NCALD: variants seen among roughly 807,000 people sequenced by gnomAD.
NCALD encodes neurocalcin-delta.
NCALD carries 10 observed loss-of-function variants against 18.6 expected under a neutral mutation model. That is an observed-to-expected ratio of 0.54 (90% CI 0.33 to 0.91). NCALD has a LOEUF of 0.91. NCALD is among the 40% of genes least tolerant of loss of function. The probability of loss-of-function intolerance (pLI) is 0.03; values close to 1 mark genes in which losing one functional copy is unlikely to be tolerated. For synonymous variants in NCALD, 88 were observed against 87.4 expected, an observed-to-expected ratio of 1.01 and a Z score of -0.04; for missense variants, 184 against 247.6, an observed-to-expected ratio of 0.74 and a Z score of 1.72.
chr8:102,065,997 T>C (rs778718779), intron 1 of NCALD, among the ~76,000 whole-genome samples: 17 of 152,186 alleles, frequency 1.1e-4, no homozygotes, highest in Non-Finnish European at 2.1e-4. Context: ...AATAAGTAAG[T>C]CTTTAGAAAA....
At chr8:101,996,035 C>G (rs1048710066) in intron 2 of NCALD, among the ~76,000 whole-genome samples, 10 of 152,196 alleles carry the variant, frequency 6.6e-5, no homozygotes, top group African/African-American at 2.4e-4. Flanking sequence ...GTTTGTTTGC[C>G]TCTGGTGTGT....
intron 4 of NCALD, among the ~76,000 whole-genome samples, chr8:101,797,105 A>G (rs1430643187): frequency 6.6e-6 from 1 of 152,254 alleles, no homozygotes. Context: ...TTATAAAACT[A>G]GGCTGTGCCC....
chr8:102,068,611 CA>C (rs1824084767), intron 1 of NCALD, among the ~76,000 whole-genome samples: 1 of 152,208 alleles, frequency 6.6e-6, no homozygotes, highest in Non-Finnish European at 1.5e-5. Context: ...CTCTAGATTC[CA>C]CCAGTCTGTT....
chr8:102,084,634 C>T (rs1241223070), intron 1 of NCALD, among the ~76,000 whole-genome samples: 1 of 152,190 alleles, frequency 6.6e-6, no homozygotes, highest in East Asian at 1.9e-4. Flanking sequence ...AAATTATACA[C>T]AAGCTCACTT....
At chr8:101,849,883 G>A (rs1235806722) in intron 4 of NCALD, among the ~76,000 whole-genome samples, 2 of 152,180 alleles carry the variant, frequency 1.3e-5, no homozygotes, top group African/African-American at 2.4e-5. Flanking sequence ...CTGAAGACGG[G>A]GGCCCTTCCC....
intron 2 of NCALD, among the ~76,000 whole-genome samples, chr8:102,018,235 A>C (rs1822155301): frequency 6.6e-6 from 1 of 152,102 alleles, no homozygotes; most frequent in South Asian, 2.1e-4. Context: ...CAATAATCCC[A>C]CTCCTAGTAA....
At chr8:102,037,312 A>G (rs1482382867) in intron 1 of NCALD, among the ~76,000 whole-genome samples, 2 of 152,228 alleles carry the variant, frequency 1.3e-5, no homozygotes, top group Non-Finnish European at 2.9e-5. Flanking sequence ...GAAATCAAAT[A>G]GTGTTAAGCC....
intron 2 of NCALD, among the ~76,000 whole-genome samples, chr8:101,936,483 G>A (rs142735216): frequency 6.6e-6 from 1 of 152,162 alleles, no homozygotes; most frequent in Non-Finnish European, 1.5e-5. Context: ...AAATGTTGCA[G>A]TGGAGTTATT....
intron 1 of NCALD, among the ~76,000 whole-genome samples, chr8:101,782,231 G>C (rs1303542737): frequency 6.6e-6 from 1 of 151,830 alleles, no homozygotes; most frequent in South Asian, 2.1e-4. Context: ...ATGAGTAATA[G>C]GTTATATGTT....
At position 101,812,772 on chromosome 8, in the gene NCALD, T is replaced by C. The variant is rs530524324; in HGVS notation, c.-20+74369A>G. ...TTCCCAGTTACAGTCTCTGAACTCC[T>C]CAGGGCCTCTGTAGTTCCTACAATT... On this transcript the variant is annotated intron_variant, in intron 4 of 6. Coordinates refer to the NCALD transcript ENST00000311028. 2.0e-5 allele frequency among the ~76,000 whole-genome samples: 3 copies of C among 152,310 alleles called. No individual in the cohort carries two copies. The East Asian group carries it at 5.8e-4, about 29-fold the overall frequency.
chr8:101,812,521 G>A (rs1040976446), intron 4 of NCALD, among the ~76,000 whole-genome samples: 2 of 152,058 alleles, frequency 1.3e-5, no homozygotes, highest in Non-Finnish European at 2.9e-5. Flanking sequence ...TTTTCTCCAA[G>A]CAATTTTTCA....
intron 1 of NCALD, among the ~76,000 whole-genome samples, chr8:102,035,782 C>T (rs1236241877): frequency 1.3e-5 from 2 of 152,112 alleles, no homozygotes; most frequent in Non-Finnish European, 2.9e-5. Context: ...TTCGCAAAAG[C>T]CTCCTCATTC....
intron 4 of NCALD, chr8:101,872,204 T>C: frequency 6.4e-7 from 1 of 1,558,400 alleles, no homozygotes; most frequent in South Asian, 1.1e-5. Flanking sequence ...AGGTGCAAGA[T>C]GACCCACAAG....
chr8:101,873,440 C>T lies in NCALD; in HGVS notation c.-20+13701G>A, dbSNP rs572043591. ...CAGTTTTAGTGGTGCATAGTTATGG[C>T]GGATTATGGTTGTGTATTTATTTTC... On this transcript the variant is annotated intron_variant, in intron 4 of 6. Transcript: ENST00000311028. 3.2e-4 allele frequency among the ~76,000 whole-genome samples: 48 copies of T among 152,126 alleles called. 1 individual carries two copies. Among genetic ancestry groups the T allele is most frequent in the Admixed American group, 2.8e-3 (43 of 15,282 alleles).
rs1430826977 is a variant in NCALD, at chr8:101,784,424, A to T, written c.-20+6438T>A. 1.2e-4 allele frequency among the ~76,000 whole-genome samples: 18 copies of T among 152,132 alleles called. 1 individual carries two copies. Among genetic ancestry groups the T allele is most frequent in the Admixed American group, 1.2e-3 (18 of 15,270 alleles). ...AGCATTATTTCCACTGTACTCTATC[A>T]GTTGGACCAATCATAAGCCCATTTA... On this transcript the variant is annotated intron_variant, in intron 1 of 3. Coordinates refer to ENST00000220931, the MANE Select transcript of NCALD (RefSeq NM_032041.3).
At chr8:101,942,318 G>A (rs201973489) in intron 2 of NCALD, among the ~76,000 whole-genome samples, 1 of 152,026 alleles carries the variant, frequency 6.6e-6, no homozygotes, top group East Asian at 1.9e-4. Context: ...CCAATCTTGA[G>A]GCCAAAAACC....
At chr8:101,755,643 A>G (rs537465775) in intron 1 of NCALD, among the ~76,000 whole-genome samples, 2 of 152,320 alleles carry the variant, frequency 1.3e-5, no homozygotes, top group Admixed American at 1.3e-4. Flanking sequence ...GCAGGCAGAA[A>G]CCAGGGAATA....
chr8:101,827,969 G>A (rs1017264532), intron 4 of NCALD, among the ~76,000 whole-genome samples: 1 of 152,208 alleles, frequency 6.6e-6, no homozygotes, highest in Non-Finnish European at 1.5e-5. Context: ...AGGCATTGTG[G>A]TAGGTGCTGG....
Position 101,939,412 on chromosome 8 carries a change from T to G in NCALD, c.-156-23554A>C, listed in dbSNP as rs16868765. 4.7e-3 allele frequency among the ~76,000 whole-genome samples: 711 copies of G among 152,336 alleles called. 7 individuals carry two copies. The highest frequency in any genetic ancestry group is 0.015 in the African/African-American group (631 of 41,586). ...AAATCACACAGAAGCCAATTGTACA[T>G]GAACCCGTGGCAAGCATTACTAAGT... On this transcript the variant is annotated intron_variant, in intron 2 of 6. Transcript: ENST00000311028.
Sources: allele counts gnomAD v4.1 joint callset (sites outside exome capture counted in the v4.1 genomes callset), GRCh38; gene constraint gnomAD v4.1.1; transcripts MANE v1.5; gene names NCBI Gene and HGNC (gene_info 2026-07-23, HGNC 2026-07-21).